The following WWOX variants were observed in gnomAD, a reference collection of about 807,000 sequenced individuals.
The protein encoded by WWOX is WW domain containing oxidoreductase.
A neutral mutation model predicts 46.2 loss-of-function variants in WWOX; 69 were observed. The observed-to-expected ratio is 1.49, with a 90% CI of 1.23 to 1.82. The LOEUF is 1.82. WWOX is among the 40% of genes most tolerant of loss of function. WWOX has a pLI of 0.00. For missense variants in WWOX, 919 were observed against 542.6 expected, an observed-to-expected ratio of 1.69 and a Z score of -6.89; for synonymous variants, 359 against 202.6, an observed-to-expected ratio of 1.77 and a Z score of -6.56.
At chr16:78,813,576 T>C (rs2051253418) in intron 8 of WWOX, among the ~76,000 whole-genome samples, 1 of 152,156 alleles carries the variant, frequency 6.6e-6, no homozygotes, top group Non-Finnish European at 1.5e-5. Context: ...GGAATGTGTG[T>C]GCGTGTGTGT....
At chr16:78,480,395 A>G (rs1449394366) in intron 8 of WWOX, among the ~76,000 whole-genome samples, 6 of 152,242 alleles carry the variant, frequency 3.9e-5, no homozygotes, top group Non-Finnish European at 1.5e-5. Flanking sequence ...TTCATTTATT[A>G]TTAAACATCT....
At chr16:78,971,448 CAAAAA>C (rs71140852) in intron 8 of WWOX, among the ~76,000 whole-genome samples, 5 of 111,920 alleles carry the variant, frequency 4.5e-5, no homozygotes, top group South Asian at 3.0e-4. Flanking sequence ...GACTCTGTGT[CAAAAA>C]AAAAAAAAAA....
intron 8 of WWOX, among the ~76,000 whole-genome samples, chr16:78,491,207 T>C (rs1567603511): frequency 6.6e-6 from 1 of 152,152 alleles, no homozygotes; most frequent in East Asian, 1.9e-4. Flanking sequence ...CCCAGACCTT[T>C]ACTCACCTGG....
intron 8 of WWOX, among the ~76,000 whole-genome samples, chr16:79,096,534 T>C (rs1276352811): frequency 6.6e-6 from 1 of 152,198 alleles, no homozygotes; most frequent in East Asian, 1.9e-4. Flanking sequence ...CCTTTCTCTG[T>C]TACCTTCGGA....
intron 8 of WWOX, among the ~76,000 whole-genome samples, chr16:78,725,056 G>C (rs1028978359): frequency 6.6e-6 from 1 of 152,086 alleles, no homozygotes; most frequent in Non-Finnish European, 1.5e-5. Flanking sequence ...TGTTGTGGGA[G>C]GGACCGGGTG....
chr16:78,202,719 C>G (rs2036270354), intron 5 of WWOX, among the ~76,000 whole-genome samples: 1 of 152,014 alleles, frequency 6.6e-6, no homozygotes, highest in African/African-American at 2.4e-5. Flanking sequence ...AGTGTCCTCC[C>G]AGTTCTCTGT....
chr16:78,676,625 T>A (rs892544008), intron 8 of WWOX, among the ~76,000 whole-genome samples: 1 of 152,170 alleles, frequency 6.6e-6, no homozygotes, highest in East Asian at 1.9e-4. Flanking sequence ...TGATGTGCTG[T>A]CAGGGGCTGG....
intron 5 of WWOX, among the ~76,000 whole-genome samples, chr16:78,285,089 C>T (rs1361485599): frequency 1.3e-5 from 2 of 152,158 alleles, no homozygotes; most frequent in African/African-American, 2.4e-5. Flanking sequence ...AGTGCATCTG[C>T]TTCTGCTTTG....
At chr16:78,677,918 C>T (rs753121610) in intron 8 of WWOX, among the ~76,000 whole-genome samples, 9 of 152,190 alleles carry the variant, frequency 5.9e-5, no homozygotes, top group African/African-American at 9.7e-5. Flanking sequence ...TAGCCCGTTC[C>T]ACTCCTACAA....
At chr16:78,731,031 C>G (rs1023443794) in intron 8 of WWOX, among the ~76,000 whole-genome samples, 1 of 152,130 alleles carries the variant, frequency 6.6e-6, no homozygotes, top group African/African-American at 2.4e-5. Context: ...ACCGTACTAT[C>G]CAACACATTA....
chr16:78,312,286 A>G (rs2080260169), intron 5 of WWOX, among the ~76,000 whole-genome samples: 2 of 151,582 alleles, frequency 1.3e-5, no homozygotes, highest in African/African-American at 4.8e-5. Flanking sequence ...TATCTTTTGT[A>G]GGGGGTAATT....
intron 6 of WWOX, among the ~76,000 whole-genome samples, chr16:78,416,755 T>C (rs2082805878): frequency 6.6e-6 from 1 of 152,242 alleles, no homozygotes; most frequent in African/African-American, 2.4e-5. Context: ...TTTAATTTTG[T>C]CTTGTGGATA....
intron 8 of WWOX, among the ~76,000 whole-genome samples, chr16:78,434,670 C>T (rs1011791062): frequency 6.6e-6 from 1 of 152,182 alleles, no homozygotes; most frequent in African/African-American, 2.4e-5. Context: ...GGTTCAGTGG[C>T]ATCAGAGAGT....
At chr16:78,948,154 C>G (rs1320074105) in intron 8 of WWOX, among the ~76,000 whole-genome samples, 1 of 152,192 alleles carries the variant, frequency 6.6e-6, no homozygotes, top group Non-Finnish European at 1.5e-5. Flanking sequence ...CAGAATGAGA[C>G]AGGTAACACC....
At chr16:78,237,931 T>G (rs1490096543) in intron 5 of WWOX, among the ~76,000 whole-genome samples, 1 of 152,210 alleles carries the variant, frequency 6.6e-6, no homozygotes, top group African/African-American at 2.4e-5. Context: ...AACAACAATT[T>G]TCAGTCTTTT....
At chr16:78,432,887 C>G (rs2083258628) in intron 8 of WWOX, 135 bp downstream of exon 8, 2 of 1,350,836 alleles carry the variant, frequency 1.5e-6, no homozygotes, top group Non-Finnish European at 2.1e-6. Context: ...TCATAAAGGG[C>G]TCTTGAACAC....
intron 8 of WWOX, among the ~76,000 whole-genome samples, chr16:78,971,718 A>T (rs1443881370): frequency 9.1e-6 from 1 of 110,258 alleles, no homozygotes; most frequent in East Asian, 3.0e-4. Flanking sequence ...TCGCCCCCCC[A>T]CCCCGATCCC....
At chr16:78,633,974 T>C (rs1326217989) in intron 8 of WWOX, among the ~76,000 whole-genome samples, 1 of 151,894 alleles carries the variant, frequency 6.6e-6, no homozygotes, top group Non-Finnish European at 1.5e-5. Context: ...TGTCCTTTTA[T>C]TAGTCTGAGC....
chr16:78,956,992 C>G (rs143074651), intron 8 of WWOX, among the ~76,000 whole-genome samples: 1 of 152,206 alleles, frequency 6.6e-6, no homozygotes, highest in African/African-American at 2.4e-5. Context: ...AACAAATTTC[C>G]TGGCAGCTTG....
Sources: allele counts gnomAD v4.1 joint callset (sites outside exome capture counted in the v4.1 genomes callset), GRCh38; gene constraint gnomAD v4.1.1; transcripts MANE v1.5; gene names NCBI Gene and HGNC (gene_info 2026-07-23, HGNC 2026-07-21).